The following ADAM12 variants were observed in gnomAD, a reference collection of about 807,000 sequenced individuals.
ADAM12 encodes ADAM metallopeptidase domain 12, also known as disintegrin and metalloproteinase domain-containing protein 12.
A neutral mutation model predicts 106.4 loss-of-function variants in ADAM12; 70 were observed. That is an observed-to-expected ratio of 0.66 (90% CI 0.54 to 0.80). The LOEUF (loss-of-function observed/expected upper bound fraction) is 0.80. ADAM12 is among the 30% of genes least tolerant of loss of function. The pLI is 0.00. For synonymous variants in ADAM12, 420 were observed against 433.5 expected (o/e 0.97, Z 0.39); for missense variants, 1,010 against 1,171.9 (o/e 0.86, Z 2.02).
intron 3 of ADAM12, among the ~76,000 whole-genome samples, chr10:126,174,172 C>T (rs529253835): frequency 3.3e-5 from 5 of 151,806 alleles, no homozygotes; most frequent in South Asian, 2.1e-4. Context: ...TTGCTTTATA[C>T]GTTGTTCCCC....
chr10:126,313,358 A>C (rs1231807499), intron 2 of ADAM12, among the ~76,000 whole-genome samples: 3 of 152,190 alleles, frequency 2.0e-5, no homozygotes, highest in Non-Finnish European at 2.9e-5. Flanking sequence ...GGTGACCCAG[A>C]CCAACCCTGC....
At chr10:126,244,273 A>AT (rs1958586568) in intron 3 of ADAM12, among the ~76,000 whole-genome samples, 1 of 152,196 alleles carries the variant, frequency 6.6e-6, no homozygotes, top group African/African-American at 2.4e-5. Context: ...CTGAGAGATC[A>AT]GACAATCGGG....
At position 126,268,223 on chromosome 10, in the gene ADAM12, C is replaced by G. The variant is rs1158447014; in HGVS notation, c.260+10692G>C. Among the ~76,000 whole-genome samples the G allele has an allele frequency of 2.0e-5, 3 of 152,190 alleles. No homozygotes were observed. In the East Asian group the frequency reaches 5.8e-4, roughly 29 times the overall value. On this transcript the variant is annotated intron_variant, in intron 3 of 22. Coordinates refer to ENST00000448723, the MANE Select transcript of ADAM12 (RefSeq NM_001288973.2). ...AAAGTACACCTCATGTAAATAGAAT[C>G]GCATAATATTTGTCCTTTAGTGTCT...
chr10:126,157,592 C>T (rs1470373656), intron 3 of ADAM12, among the ~76,000 whole-genome samples: 1 of 152,222 alleles, frequency 6.6e-6, no homozygotes, highest in African/African-American at 2.4e-5. Context: ...TACTTAACAG[C>T]GAGTGTTTGA....
intron 2 of ADAM12, among the ~76,000 whole-genome samples, chr10:126,291,377 C>G (rs1017885953): frequency 1.3e-5 from 2 of 152,228 alleles, no homozygotes; most frequent in Non-Finnish European, 2.9e-5. Flanking sequence ...AGAGGCACCG[C>G]AAGTCACTAT....
chr10:126,321,205 A>C (rs561193187), intron 2 of ADAM12, among the ~76,000 whole-genome samples: 1 of 152,346 alleles, frequency 6.6e-6, no homozygotes, highest in East Asian at 1.9e-4. Flanking sequence ...AGCATTACTC[A>C]GGATTACAAA....
At chr10:126,045,373 T>A (rs963890447) in intron 17 of ADAM12, among the ~76,000 whole-genome samples, 4 of 152,136 alleles carry the variant, frequency 2.6e-5, no homozygotes, top group African/African-American at 9.7e-5. Context: ...CCTCCCCCCA[T>A]GCACCCGGTA....
At chr10:126,101,033 C>A in intron 9 of ADAM12, 39 bp downstream of exon 9, 1 of 1,602,526 alleles carries the variant, frequency 6.2e-7, no homozygotes, top group Non-Finnish European at 8.5e-7. Context: ...GCCGAGAGCA[C>A]TCCTTTTTTT....
In ADAM12 at chr10:126,278,993, A is replaced by G. The variant is rs750113880; in HGVS notation, c.187-5T>C. 3.1e-6 allele frequency: 5 copies of G among 1,611,070 alleles called. No individual in the cohort carries two copies. Among genetic ancestry groups the G allele is most frequent in the Admixed American group, 3.3e-5 (2 of 59,892 alleles). On this transcript the variant is annotated splice_polypyrimidine_tract_variant and splice_region_variant and intron_variant, in intron 2 of 22. Transcript: ENST00000448723. The stretch of plus-strand genomic sequence containing the variant: ...ATTCAGCACTTCTGGATGATTCTGA[A>G]AGATAAACAACAAAAGTCAGTTGAA...
chr10:126,144,224 G>C (rs964981682), intron 4 of ADAM12, among the ~76,000 whole-genome samples: 1 of 152,178 alleles, frequency 6.6e-6, no homozygotes, highest in Non-Finnish European at 1.5e-5. Flanking sequence ...GCAATAGTGA[G>C]ATCACTAGAT....
rs1953586005 is a variant in ADAM12 at position 126,012,424 on chromosome 10, C to T, written c.*4855G>A. On this transcript the variant is annotated 3_prime_UTR_variant, in exon 23 of 23. Coordinates refer to ENST00000448723, the MANE Select transcript of ADAM12 (RefSeq NM_001288973.2). ...TATACAATTTATTGGGTTTAATATT[C>T]ATAACAATAACTTTTTCTACTGAAA... 6.6e-6 allele frequency: 1 copy of T among 152,142 alleles called. No homozygotes were observed. The highest frequency in any genetic ancestry group is 2.4e-5 in the African/African-American group (1 of 41,416). 9.4% of individuals were successfully genotyped at this position (152,142 alleles called of 1,614,324 possible).
At chr10:126,375,707 A>AAC (rs948946585) in intron 1 of ADAM12, among the ~76,000 whole-genome samples, 13 of 148,518 alleles carry the variant, frequency 8.8e-5, no homozygotes, top group African/African-American at 3.2e-4. Flanking sequence ...TAAAAAAAAA[A>AAC]AAAACAAGGA....
chr10:126,158,672 G>GGGAGAGGATGCACAGAGCACA (rs1956872708), intron 3 of ADAM12, among the ~76,000 whole-genome samples: 1 of 80,544 alleles, frequency 1.2e-5, no homozygotes, highest in African/African-American at 4.4e-5. Context: ...CACAGAGCAC[G>GGGAGAGGATGCACAGAGCACA]GGGAGAGGAT....
At chr10:126,240,096 C>T (rs761489590) in intron 3 of ADAM12, among the ~76,000 whole-genome samples, 4 of 152,076 alleles carry the variant, frequency 2.6e-5, no homozygotes, top group African/African-American at 4.8e-5. Flanking sequence ...CATTGGTGCA[C>T]GCAGTGCTCA....
rs571644434 is a variant in ADAM12, at chr10:126,304,168, C to T, written c.187-25180G>A. Among the ~76,000 whole-genome samples, 4 of 151,966 alleles carry T rather than the reference C, an allele frequency of 2.6e-5. No individual in the cohort carries two copies. The East Asian group carries it at 7.7e-4, about 29-fold the overall frequency. ...AGAAAGGCCGTGCCTCACACAAACA[C>T]CCAAAAGTAATAAATTAGTTAACAA... On this transcript the variant is annotated intron_variant, in intron 2 of 22. Transcript: ENST00000448723.
At chr10:126,139,910 G>T (rs1475054554) in intron 4 of ADAM12, among the ~76,000 whole-genome samples, 1 of 150,478 alleles carries the variant, frequency 6.6e-6, no homozygotes, top group Non-Finnish European at 1.5e-5. Context: ...TTAACTCTTA[G>T]TTGGGTATGT....
At position 126,016,995 on chromosome 10, in the gene ADAM12, A is replaced by G; in HGVS notation, c.*284T>C. On this transcript the variant is annotated 3_prime_UTR_variant, in exon 23 of 23. Coordinates refer to ENST00000448723, the MANE Select transcript of ADAM12 (RefSeq NM_001288973.2). ...AAGTTCACTAAAATACTAAAAGCACAACAAGCCTTCCTGCCATGGAAAACT... is the reference window on the plus strand; with the variant it reads ...AAGTTCACTAAAATACTAAAAGCACGACAAGCCTTCCTGCCATGGAAAACT... 6.3e-6 allele frequency: 2 copies of G among 319,750 alleles called. No homozygotes were observed. The highest frequency in any genetic ancestry group is 5.7e-6 in the Non-Finnish European group (1 of 175,522). The allele number at this position is 319,750 out of a possible 1,614,324, so 19.8% of individuals were successfully genotyped here. A position where few individuals can be genotyped will look rare whatever the true frequency, so the allele number is the denominator to read the frequency against.
intron 3 of ADAM12, among the ~76,000 whole-genome samples, chr10:126,214,938 T>G (rs181429318): frequency 7.7e-4 from 118 of 152,328 alleles, no homozygotes; most frequent in East Asian, 6.4e-3. Context: ...CTCACCTTGG[T>G]GACTCTCATC....
chr10:126,141,514 C>T (rs1956511544), intron 4 of ADAM12, among the ~76,000 whole-genome samples: 1 of 152,192 alleles, frequency 6.6e-6, no homozygotes, highest in African/African-American at 2.4e-5. Context: ...TATTACTTAA[C>T]CTAATGCATT....
Sources: gnomAD v4.1 joint callset for allele counts (sites outside exome capture counted in the v4.1 genomes callset) on GRCh38, gnomAD v4.1.1 for gene constraint, MANE v1.5 for transcripts, NCBI Gene and HGNC (gene_info 2026-07-23, HGNC 2026-07-21) for gene names.